ADAM12: variants seen among roughly 807,000 people sequenced by gnomAD.
The protein encoded by ADAM12 is ADAM metallopeptidase domain 12.
ADAM12 carries 70 observed loss-of-function variants against 106.4 expected under a neutral mutation model. The observed-to-expected ratio is 0.66, with a 90% CI of 0.54 to 0.80. The LOEUF (loss-of-function observed/expected upper bound fraction) is 0.80, where lower values mean the gene tolerates loss of function less well. ADAM12 is among the 30% of genes least tolerant of loss of function. ADAM12 has a pLI of 0.00. For synonymous variants in ADAM12, 420 were observed against 433.5 expected (o/e 0.97, Z 0.39); for missense variants, 1,010 against 1,171.9 (o/e 0.86, Z 2.02).
intron 3 of ADAM12, among the ~76,000 whole-genome samples, chr10:126,249,720 T>G (rs4962323): frequency 6.6e-6 from 1 of 151,998 alleles, no homozygotes; most frequent in Non-Finnish European, 1.5e-5. Context: ...AAAAGAAAAC[T>G]GACACCAACA....
intron 8 of ADAM12, among the ~76,000 whole-genome samples, chr10:126,102,145 G>A (rs375463303): frequency 3.3e-5 from 5 of 152,114 alleles, no homozygotes; most frequent in African/African-American, 4.8e-5. Flanking sequence ...CAGGATGAGC[G>A]GTCAGGGTAG....
At position 126,015,601 on chromosome 10, in the gene ADAM12, C is replaced by T. The variant is rs888482712; in HGVS notation, c.*1678G>A. ...GTCACGTGTTTAGTTTATCCATAGT[C>T]ATGAATACTATGTTGCCTAGATACA... is the stretch of plus-strand genomic sequence containing the variant. On this transcript the variant is annotated 3_prime_UTR_variant, in exon 23 of 23. Transcript: ENST00000448723. The T allele has an allele frequency of 1.3e-5, 2 of 152,162 alleles. No individual in the cohort carries two copies. Among genetic ancestry groups the T allele is most frequent in the Non-Finnish European group, 2.9e-5 (2 of 68,014 alleles). The allele number at this position is 152,162 out of a possible 1,614,324, so 9.4% of individuals were successfully genotyped here.
intron 1 of ADAM12, among the ~76,000 whole-genome samples, chr10:126,387,424 C>T (rs1856702044): frequency 6.6e-6 from 1 of 152,086 alleles, no homozygotes; most frequent in African/African-American, 2.4e-5. Flanking sequence ...AGGGAGAATT[C>T]CGCTAAAGTT....
chr10:126,143,028 G>T (rs1956544540), intron 4 of ADAM12, among the ~76,000 whole-genome samples: 1 of 137,234 alleles, frequency 7.3e-6, no homozygotes, highest in African/African-American at 2.6e-5. Flanking sequence ...ATATGCATTT[G>T]TATATATATG....
Position 126,155,943 on chromosome 10 carries a change from C to T in ADAM12, c.261-638G>A, listed in dbSNP as rs918791838. 1.7e-4 allele frequency among the ~76,000 whole-genome samples: 22 copies of T among 126,280 alleles called. No individual in the cohort carries two copies. The East Asian group carries it at 3.8e-3, about 22-fold the overall frequency. The allele number at this position is 126,280 out of a possible 152,430, so 82.8% of individuals were successfully genotyped here. ...AAGATAAATTGAAAGGGGGAGGAAACCCCGTTTATGCTATTAATAAAACTG... is the reference window on the plus strand; with the variant it reads ...AAGATAAATTGAAAGGGGGAGGAAATCCCGTTTATGCTATTAATAAAACTG... On this transcript the variant is annotated intron_variant, in intron 3 of 22. Transcript: ENST00000448723.
chr10:126,179,156 T>C (rs1957270830), intron 3 of ADAM12, among the ~76,000 whole-genome samples: 1 of 152,192 alleles, frequency 6.6e-6, no homozygotes, highest in Admixed American at 6.5e-5. Flanking sequence ...GCGGAGTGTG[T>C]GGGAATCTCC....
At chr10:126,174,683 T>C in intron 3 of ADAM12, among the ~76,000 whole-genome samples, 1 of 152,114 alleles carries the variant, frequency 6.6e-6, no homozygotes, top group East Asian at 1.9e-4. Flanking sequence ...CCTTAGTCTC[T>C]TGGAATGAGA....
chr10:126,212,503 A>C (rs1483361389), intron 3 of ADAM12, among the ~76,000 whole-genome samples: 2 of 152,350 alleles, frequency 1.3e-5, no homozygotes, highest in East Asian at 3.9e-4. Context: ...CTTGAAATGC[A>C]AATAAAACTT....
At chr10:126,126,262 G>A (rs1303413543) in intron 5 of ADAM12, among the ~76,000 whole-genome samples, 4 of 152,048 alleles carry the variant, frequency 2.6e-5, no homozygotes, top group Admixed American at 6.6e-5. Flanking sequence ...GATGACCTTC[G>A]AGGCTGATGA....
At chr10:126,254,454 A>G (rs1958849767) in intron 3 of ADAM12, among the ~76,000 whole-genome samples, 1 of 152,200 alleles carries the variant, frequency 6.6e-6, no homozygotes, top group Non-Finnish European at 1.5e-5. Flanking sequence ...TCACCCCAGC[A>G]AGAGCAACTG....
intron 3 of ADAM12, among the ~76,000 whole-genome samples, chr10:126,206,755 A>G (rs552628700): frequency 1.8e-4 from 27 of 149,350 alleles, no homozygotes; most frequent in African/African-American, 6.6e-4. Context: ...AAGGCTTTGC[A>G]GTTCTCTGCA....
intron 4 of ADAM12, among the ~76,000 whole-genome samples, chr10:126,140,566 C>T (rs757071125): frequency 6.6e-6 from 1 of 152,170 alleles, no homozygotes; most frequent in Non-Finnish European, 1.5e-5. Context: ...CCAGCTTTAA[C>T]ACCACTTTTG....
At chr10:126,316,907 A>G (rs1853897986) in intron 2 of ADAM12, among the ~76,000 whole-genome samples, 1 of 152,130 alleles carries the variant, frequency 6.6e-6, no homozygotes. Context: ...TATACAGCAC[A>G]CTTCATTTTA....
At chr10:126,282,067 A>G (rs1202334622) in intron 2 of ADAM12, among the ~76,000 whole-genome samples, 3 of 152,238 alleles carry the variant, frequency 2.0e-5, no homozygotes, top group African/African-American at 7.2e-5. Context: ...ACAGAAATTT[A>G]TCTTATAGCT....
intron 21 of ADAM12, among the ~76,000 whole-genome samples, chr10:126,035,456 A>G (rs1954042418): frequency 6.6e-6 from 1 of 151,892 alleles, no homozygotes; most frequent in African/African-American, 2.4e-5. Context: ...CTAATTTTTA[A>G]GGCAAAACAA....
At chr10:126,374,208 G>T (rs1856201769) in intron 1 of ADAM12, among the ~76,000 whole-genome samples, 1 of 152,180 alleles carries the variant, frequency 6.6e-6, no homozygotes. Flanking sequence ...AAATCCCTGA[G>T]GCATCTGTCA....
chr10:126,134,072 A>G (rs1956359335), intron 5 of ADAM12, among the ~76,000 whole-genome samples: 1 of 152,238 alleles, frequency 6.6e-6, no homozygotes, highest in Non-Finnish European at 1.5e-5. Context: ...AGAACTGGCA[A>G]TGAGGAAGCA....
Position 126,349,161 on chromosome 10 carries a change from G to A in ADAM12, c.89-18652C>T, listed in dbSNP as rs181006416. Among the ~76,000 whole-genome samples the A allele has an allele frequency of 2.7e-3, 409 of 152,250 alleles. 1 individual carries two copies. Among genetic ancestry groups the A allele is most frequent in the Non-Finnish European group, 4.1e-3 (282 of 68,008 alleles). ...ATAACCTAGTGACATATTTGAGGGG[G>A]AAAAGGATCCTATGCTCACTGGAGA... On this transcript the variant is annotated intron_variant, in intron 1 of 22. Coordinates refer to ENST00000448723, the MANE Select transcript of ADAM12 (RefSeq NM_001288973.2).
At chr10:126,212,566 T>C (rs1168691159) in intron 3 of ADAM12, among the ~76,000 whole-genome samples, 1 of 152,152 alleles carries the variant, frequency 6.6e-6, no homozygotes, top group East Asian at 1.9e-4. Flanking sequence ...TTTTATTTTA[T>C]TTTATTTGGG....
Sources: allele counts gnomAD v4.1 joint callset (sites outside exome capture counted in the v4.1 genomes callset), GRCh38; gene constraint gnomAD v4.1.1; transcripts MANE v1.5; gene names NCBI Gene and HGNC (gene_info 2026-07-23, HGNC 2026-07-21).